Variants in ASAP1 observed in about 807,000 individuals in gnomAD.
The protein encoded by ASAP1 is arf-GAP with SH3 domain, ANK repeat and PH domain-containing protein 1.
ASAP1 carries 43 observed loss-of-function variants against 145.2 expected under a neutral mutation model. The ratio of observed to expected loss-of-function variants is 0.30; its 90% CI spans 0.23 to 0.38. The LOEUF is 0.38. Ranked by LOEUF, ASAP1 falls within the 10% of genes least tolerant of loss-of-function variation. The pLI is 1.00. For synonymous variants in ASAP1, 546 were observed against 515.5 expected (o/e 1.06, Z -0.80); for missense variants, 1,018 against 1,355.3 (o/e 0.75, Z 3.91).
intron 1 of ASAP1, among the ~76,000 whole-genome samples, chr8:130,411,914 C>T (rs904875393): frequency 6.6e-6 from 1 of 152,162 alleles, no homozygotes; most frequent in Non-Finnish European, 1.5e-5. Flanking sequence ...CCCAGTGTCC[C>T]AGCCTCCACC....
At chr8:130,367,048 C>T (rs748043766) in intron 2 of ASAP1, among the ~76,000 whole-genome samples, 1 of 151,874 alleles carries the variant, frequency 6.6e-6, no homozygotes, top group Non-Finnish European at 1.5e-5. Context: ...TGCGCCACCA[C>T]ACCCAGCTAA....
intron 4 of ASAP1, among the ~76,000 whole-genome samples, chr8:130,232,789 T>C (rs1402795277): frequency 2.0e-5 from 3 of 152,170 alleles, no homozygotes; most frequent in African/African-American, 4.8e-5. Context: ...ACCAGAAATA[T>C]AGAAATCCTT....
chr8:130,407,805 T>A (rs1215152768), intron 1 of ASAP1, among the ~76,000 whole-genome samples: 3 of 152,258 alleles, frequency 2.0e-5, no homozygotes, highest in Non-Finnish European at 4.4e-5. Context: ...AGGTGTTTTT[T>A]ATTCAACAGA....
At chr8:130,248,224 G>A (rs1044402123) in intron 3 of ASAP1, among the ~76,000 whole-genome samples, 14 of 152,130 alleles carry the variant, frequency 9.2e-5, no homozygotes, top group African/African-American at 3.1e-4. Context: ...CGGGTGCCGG[G>A]GGGGTTGGAG....
At chr8:130,426,976 G>A (rs1036423091) in intron 1 of ASAP1, among the ~76,000 whole-genome samples, 2 of 152,084 alleles carry the variant, frequency 1.3e-5, no homozygotes, top group Non-Finnish European at 2.9e-5. Context: ...GAATACCACC[G>A]GCATGCAATG....
At chr8:130,122,854 C>A (rs527710599) in intron 18 of ASAP1, among the ~76,000 whole-genome samples, 1 of 152,324 alleles carries the variant, frequency 6.6e-6, no homozygotes, top group African/African-American at 2.4e-5. Flanking sequence ...ACATAAAAAC[C>A]CATGTTGTTA....
intron 2 of ASAP1, among the ~76,000 whole-genome samples, chr8:130,371,429 T>C (rs1472540129): frequency 1.3e-5 from 2 of 152,362 alleles, no homozygotes; most frequent in East Asian, 1.9e-4. Context: ...TCCCCGTTTC[T>C]TCACTAACAG....
intron 1 of ASAP1, among the ~76,000 whole-genome samples, chr8:130,422,675 T>C (rs1057019202): frequency 2.0e-5 from 3 of 152,172 alleles, no homozygotes; most frequent in African/African-American, 4.8e-5. Flanking sequence ...GGCCTGGAGA[T>C]TAACAATCAT....
chr8:130,178,701 C>T (rs1461612509), intron 9 of ASAP1, among the ~76,000 whole-genome samples: 5 of 152,092 alleles, frequency 3.3e-5, no homozygotes, highest in Non-Finnish European at 5.9e-5. Context: ...CTGGCCAACA[C>T]GGTGAGACCC....
chr8:130,362,105 C>T (rs922087577), intron 2 of ASAP1, among the ~76,000 whole-genome samples: 1 of 152,088 alleles, frequency 6.6e-6, no homozygotes, highest in East Asian at 1.9e-4. Flanking sequence ...ACAGCAATGG[C>T]GCTAACGACC....
intron 5 of ASAP1, among the ~76,000 whole-genome samples, chr8:130,199,940 A>G (rs1815759453): frequency 6.6e-6 from 1 of 152,238 alleles, no homozygotes; most frequent in Admixed American, 6.5e-5. Context: ...TCCATCCACA[A>G]TGTTCACTAT....
chr8:130,107,183 CTTTT>C (rs34978580), intron 24 of ASAP1, among the ~76,000 whole-genome samples: 3 of 119,672 alleles, frequency 2.5e-5, no homozygotes, highest in Admixed American at 1.9e-4. Context: ...TCTTCTTCTT[CTTTT>C]TTTTTTTTTT....
rs1313684055 is a variant in ASAP1 at position 130,107,179 on chromosome 8, TC to T, written c.2401+4914del. 1.2e-4 allele frequency among the ~76,000 whole-genome samples: 12 copies of T among 98,004 alleles called. No homozygotes were observed. The East Asian group carries it at 1.8e-3, about 15-fold the overall frequency. 64.3% of individuals were successfully genotyped at this position (98,004 alleles called of 152,430 possible). A position where few individuals can be genotyped will look rare whatever the true frequency, so the allele number is the denominator to read the frequency against. On this transcript the variant is annotated intron_variant, in intron 24 of 29. Transcript: ENST00000518721. ...GGAAGAACTATAGTCTCTCTCTTCT[TC>T]TTCTTTTTTTTTTTTTTTTTGAGAC...
At chr8:130,261,809 G>A (rs574095845) in intron 3 of ASAP1, among the ~76,000 whole-genome samples, 1 of 152,086 alleles carries the variant, frequency 6.6e-6, no homozygotes, top group African/African-American at 2.4e-5. Context: ...AAGGAGTTAG[G>A]ATTATAGTCA....
intron 2 of ASAP1, among the ~76,000 whole-genome samples, chr8:130,390,944 C>G (rs546077171): frequency 3.9e-4 from 58 of 148,842 alleles, no homozygotes; most frequent in African/African-American, 1.3e-3. Context: ...CCCCCGCCCC[C>G]CCAAAATTGA....
intron 27 of ASAP1, among the ~76,000 whole-genome samples, chr8:130,068,157 T>A (rs2097434242): frequency 6.6e-6 from 1 of 152,208 alleles, no homozygotes; most frequent in Non-Finnish European, 1.5e-5. Flanking sequence ...GTTGGGGCAC[T>A]GGATGCATAA....
At chr8:130,095,294 A>ATTTT (rs71302392) in intron 24 of ASAP1, among the ~76,000 whole-genome samples, 9 of 95,702 alleles carry the variant, frequency 9.4e-5, no homozygotes, top group African/African-American at 2.2e-4. Context: ...TAGGCCAGTG[A>ATTTT]TTTTTTTTTT....
chr8:130,183,133 G>A (rs961240345), intron 7 of ASAP1, among the ~76,000 whole-genome samples: 3 of 152,100 alleles, frequency 2.0e-5, no homozygotes, highest in Non-Finnish European at 2.9e-5. Context: ...TGCACATACC[G>A]TGGCACTTGA....
chr8:130,069,369 G>A (rs1418468875), intron 27 of ASAP1, among the ~76,000 whole-genome samples: 1 of 152,106 alleles, frequency 6.6e-6, no homozygotes, highest in Middle Eastern at 3.2e-3. Flanking sequence ...CTGAGTAGCT[G>A]GGACTACAGG....
Sources: allele counts gnomAD v4.1 joint callset (sites outside exome capture counted in the v4.1 genomes callset), GRCh38; gene constraint gnomAD v4.1.1; transcripts MANE v1.5; gene names NCBI Gene and HGNC (gene_info 2026-07-23, HGNC 2026-07-21).